Variants in ZNF394 observed in about 807,000 individuals in gnomAD.
The protein encoded by ZNF394 is zinc finger protein 394.
A neutral mutation model predicts 21.8 loss-of-function variants in ZNF394; 19 were observed. The observed-to-expected ratio is 0.87, with a 90% CI of 0.61 to 1.28. The LOEUF is 1.28. Ranked by LOEUF, ZNF394 falls within the 50% of genes most tolerant of loss-of-function variation. ZNF394 has a pLI of 0.00. For synonymous variants in ZNF394, 294 were observed against 273.3 expected (o/e 1.08, Z -0.75); for missense variants, 683 against 708.6 (o/e 0.96, Z 0.41).
rs1285527600 is a variant in ZNF394, at chr7:99,497,155, T to TATAA, written c.583+1560_583+1561insTTAT. 9.9e-3 allele frequency among the ~76,000 whole-genome samples: 1,312 copies of TATAA among 131,892 alleles called. 25 individuals are homozygous for TATAA. Among genetic ancestry groups the TATAA allele is most frequent in the East Asian group, 0.041 (169 of 4,090 alleles). The allele number at this position is 131,892 out of a possible 152,430, so 86.5% of individuals were successfully genotyped here. On this transcript the variant is annotated intron_variant, in intron 2 of 2. Coordinates refer to ENST00000337673, the MANE Select transcript of ZNF394 (RefSeq NM_032164.4). ...ATATATATATATGTATATATATATA[T>TATAA]AAAATGTTTTTTCTTTTTTTTTTGA...
Position 99,500,153 on chromosome 7 carries a change from C to T in ZNF394, c.-60G>A. 6.7e-7 allele frequency: 1 copy of T among 1,490,492 alleles called. No homozygotes were observed. Among genetic ancestry groups the T allele is most frequent in the Non-Finnish European group, 8.9e-7 (1 of 1,125,278 alleles). The allele number at this position is 1,490,492 out of a possible 1,614,324, so 92.3% of individuals were successfully genotyped here. A position where few individuals can be genotyped will look rare whatever the true frequency, so the allele number is the denominator to read the frequency against. On this transcript the variant is annotated 5_prime_UTR_variant, in exon 1 of 3. Transcript: ENST00000337673. ...TCTTTTCAGGTGAAGAAAGAGCAAA[C>T]CCAAGGAACTCATCAGCCGTCAACA...
At chr7:99,492,972 G>A (rs1010728082), downstream of ZNF394, among the ~76,000 whole-genome samples, 1 of 152,092 alleles carries the variant, frequency 6.6e-6, no homozygotes, top group South Asian at 2.1e-4. Flanking sequence ...CATAAAGGTA[G>A]AGCGCAGATA....
rs1227301042 is a variant in ZNF394 at position 99,499,798 on chromosome 7, G to C, written c.296C>G (p.Ser99Cys). The C allele has an allele frequency of 1.2e-6, 2 of 1,614,192 alleles. No individual in the cohort carries two copies. Among genetic ancestry groups the C allele is most frequent in the Non-Finnish European group, 8.5e-7 (1 of 1,180,042 alleles). The change falls in exon 1 of 3, where the codon TCC becomes TGC. Residue 99 changes from serine (S) to cysteine (C), a missense_variant. Around this residue, in one of 3 missense-constraint regions of ZNF394, gnomAD observed 402 missense variants for 373.8 expected, o/e 1.08. Transcript: ENST00000337673. ...CRRWLRPELL[S>C]KEQILELLVL... ...CAGCAGCTCCAGGATCTGCTCCTTG[G>C]AGAGCAGCTCGGGTCTCAGCCACCG... is the stretch of plus-strand genomic sequence containing the variant.
Position 99,495,485 on chromosome 7 carries a change from G to A in ZNF394, c.584-854C>T, listed in dbSNP as rs187897555. Among the ~76,000 whole-genome samples, 500 of 151,440 alleles carry A rather than the reference G, an allele frequency of 3.3e-3. 3 individuals carry two copies. The highest frequency in any genetic ancestry group is 9.7e-3 in the African/African-American group (401 of 41,212). On this transcript the variant is annotated intron_variant, in intron 2 of 2. Transcript: ENST00000337673. The stretch of plus-strand genomic sequence containing the variant: ...TTACAGGCACCCACCACCACACCCG[G>A]CTAATTTTTTTGTATTTTTAGTGGG...
chr7:99,490,002 G>A (rs1427892397), downstream of ZNF394, among the ~76,000 whole-genome samples: 1 of 151,268 alleles, frequency 6.6e-6, no homozygotes, highest in African/African-American at 2.4e-5. Context: ...GAGACCCCGT[G>A]TCAAAAAAAA....
In ZNF394 at chr7:99,500,077, G is replaced by A. The variant is rs1562896391; in HGVS notation, c.17C>T (p.Thr6Ile). The A allele has an allele frequency of 1.4e-5, 22 of 1,561,936 alleles. No homozygotes were observed. Among genetic ancestry groups the A allele is most frequent in the Non-Finnish European group, 1.9e-5 (22 of 1,159,578 alleles). The change falls in exon 1 of 3, where the codon ACC (threonine) becomes ATC (isoleucine). Residue 6 changes from threonine to isoleucine, a missense_variant. Coordinates refer to ENST00000337673, the MANE Select transcript of ZNF394 (RefSeq NM_032164.4). ...GGCGTCACTGCCGCGCCTCTGGGCGGTCAAGCTGGAATTCATCTTTCTCCG... is the reference window on the plus strand; with the variant it reads ...GGCGTCACTGCCGCGCCTCTGGGCGATCAAGCTGGAATTCATCTTTCTCCG... MNSSL[T>I]AQRRGSDAEL...
downstream of ZNF394, among the ~76,000 whole-genome samples, chr7:99,492,824 T>C (rs1488518716): frequency 6.7e-6 from 1 of 148,430 alleles, no homozygotes; most frequent in East Asian, 2.0e-4. Flanking sequence ...TGGTGGTGTG[T>C]GCCTGTGGTC....
In ZNF394 at chr7:99,500,256, ACTCT is replaced by A; in HGVS notation, c.-167_-164del. 1.7e-6 allele frequency: 1 copy of A among 602,266 alleles called. No individual in the cohort carries two copies. Among genetic ancestry groups the A allele is most frequent in the East Asian group, 3.3e-5 (1 of 30,636 alleles). 37.3% of individuals were successfully genotyped at this position (602,266 alleles called of 1,614,324 possible). A position where few individuals can be genotyped will look rare whatever the true frequency, so the allele number is the denominator to read the frequency against. On this transcript the variant is annotated 5_prime_UTR_variant, in exon 1 of 3. Transcript: ENST00000337673. Reference sequence around the variant, plus strand: ...TCCTTTCCTCAGCTTTGCGCCTACAACTCTCTCGGTCAAACAACCGAAAACATCC... The same window carrying A: ...TCCTTTCCTCAGCTTTGCGCCTACAACTCGGTCAAACAACCGAAAACATCC...
intron 2 of ZNF394, chr7:99,497,955 T>C (rs1045320162): frequency 1.7e-5 from 2 of 117,646 alleles, no homozygotes; most frequent in Non-Finnish European, 3.0e-5. Context: ...TCTTAAAATA[T>C]CTGATTGTAC....
Position 99,494,603 on chromosome 7 carries a change from C to T in ZNF394, c.612G>A (p.Glu204=). ...PSLESRVENK[E]LIPMQQILEE... is the part of the protein sequence containing the mutation. ...CTAAAATTTGTTGCATTGGAATCAA[C>T]TCTTTGTTCTCCACTCTGCTTTCCA... Residue 204 remains glutamate (E), a synonymous_variant, in exon 3 of 3, where the codon GAG becomes GAA. Coordinates refer to ENST00000337673, the MANE Select transcript of ZNF394 (RefSeq NM_032164.4). 6.2e-7 allele frequency: 1 copy of T among 1,601,054 alleles called. No individual in the cohort carries two copies. The highest frequency in any genetic ancestry group is 1.1e-5 in the South Asian group (1 of 88,768).
At position 99,487,586 on chromosome 7, in the gene ZNF394, CAA is replaced by C. The variant is rs1358430793; in HGVS notation, n.84-625_84-624del. 6.3e-6 allele frequency: 9 copies of C among 1,426,374 alleles called. No homozygotes were observed. The East Asian group carries it at 1.9e-4, about 30-fold the overall frequency. The allele number at this position is 1,426,374 out of a possible 1,614,324, so 88.4% of individuals were successfully genotyped here. ...TTTCCATGAAAAGCAATAAATGTAACAAAGGGTTTTTCTATGGGAGCCATCTT... is the reference window on the plus strand; with the variant it reads ...TTTCCATGAAAAGCAATAAATGTAACAGGGTTTTTCTATGGGAGCCATCTT... On this transcript the variant is annotated intron_variant and non_coding_transcript_variant, in intron 1 of 1. Transcript: ENST00000462024.
At chr7:99,498,629 G>A (rs764642737) in intron 2 of ZNF394, 87 bp downstream of exon 2, 1 of 1,576,468 alleles carries the variant, frequency 6.3e-7, no homozygotes, top group Non-Finnish European at 8.6e-7. Flanking sequence ...CCCAAGTCTG[G>A]GAATGGCATA....
At chr7:99,497,108 G>GTATATA (rs1800342310) in intron 2 of ZNF394, among the ~76,000 whole-genome samples, 1 of 119,310 alleles carries the variant, frequency 8.4e-6, no homozygotes, top group African/African-American at 4.4e-5. Context: ...GTGTGTGTGT[G>GTATATA]TGTGTGTGTG....
downstream of ZNF394, among the ~76,000 whole-genome samples, chr7:99,491,851 G>A (rs980618613): frequency 5.2e-4 from 79 of 151,188 alleles, no homozygotes; most frequent in Non-Finnish European, 4.4e-5. Flanking sequence ...AAGGCGGGCG[G>A]ATCATGAGGT....
chr7:99,487,964 C>T (rs890704382), intron 1 of ZNF394, among the ~76,000 whole-genome samples: 5 of 145,216 alleles, frequency 3.4e-5, no homozygotes, highest in South Asian at 4.5e-4. Context: ...CCCAGCTATG[C>T]GGGAGGCTGA....
chr7:99,490,493 G>A (rs1172583111), downstream of ZNF394, among the ~76,000 whole-genome samples: 1 of 151,984 alleles, frequency 6.6e-6, no homozygotes, highest in Non-Finnish European at 1.5e-5. Context: ...AGCTGGGTGT[G>A]GTGGTTGTAT....
intron 2 of ZNF394, among the ~76,000 whole-genome samples, chr7:99,495,375 T>G (rs369235317): frequency 6.6e-6 from 1 of 151,842 alleles, no homozygotes; most frequent in Non-Finnish European, 1.5e-5. Flanking sequence ...TAGGCTGGAG[T>G]GCAGTGGCAT....
rs775212234 is a variant in ZNF394 at position 99,493,516 on chromosome 7, C to T, written c.*13G>A. Reference sequence around the variant, plus strand: ...AAATGATCTGCCTGCCTTGGCCTCCCAAAGTGCTGGGATTATAGGCGTGAG... The same window carrying T: ...AAATGATCTGCCTGCCTTGGCCTCCTAAAGTGCTGGGATTATAGGCGTGAG... On this transcript the variant is annotated 3_prime_UTR_variant, in exon 3 of 3. Coordinates refer to ENST00000337673, the MANE Select transcript of ZNF394 (RefSeq NM_032164.4). 1.9e-5 allele frequency: 30 copies of T among 1,570,164 alleles called. No homozygotes were observed. The highest frequency in any genetic ancestry group is 1.7e-4 in the Middle Eastern group (1 of 5,842).
chr7:99,498,785 G>A lies in ZNF394; in HGVS notation c.514C>T (p.Leu172=). Residue 172 remains leucine (L), a synonymous_variant, in exon 2 of 3, where the codon CTG becomes TTG. Transcript: ENST00000337673. The part of the protein sequence containing the change: ...VSLTWEEWER[L]DPARRDFCRE... The stretch of plus-strand genomic sequence containing the variant: ...CAGAAGTCCCTCCGTGCTGGGTCCA[G>A]GCGCTCCCACTCCTCCCAGGTTAGA... 1 of 1,614,138 alleles carries A rather than the reference G, an allele frequency of 6.2e-7. No individual in the cohort carries two copies. The highest frequency in any genetic ancestry group is 1.1e-5 in the South Asian group (1 of 91,086).
Sources: allele counts gnomAD v4.1 joint callset (sites outside exome capture counted in the v4.1 genomes callset), GRCh38; gene constraint gnomAD v4.1.1; regional missense constraint gnomAD v4.1.1; transcripts MANE v1.5; gene names NCBI Gene and HGNC (gene_info 2026-07-23, HGNC 2026-07-21).